Variants in SEMA3D observed in about 807,000 individuals in gnomAD.
SEMA3D encodes semaphorin 3D.
Under a neutral mutation model 100.1 loss-of-function variants are expected in SEMA3D, and 84 were observed. The ratio of observed to expected loss-of-function variants is 0.84; its 90% CI spans 0.70 to 1.01. The LOEUF is 1.01. SEMA3D is among the 50% of genes least tolerant of loss of function. SEMA3D has a pLI of 0.00. For missense variants in SEMA3D, 875 were observed against 934.1 expected, an observed-to-expected ratio of 0.94 and a Z score of 0.82; for synonymous variants, 312 against 320.7, an observed-to-expected ratio of 0.97 and a Z score of 0.29.
At chr7:85,027,653 C>G (rs1005297465) in intron 12 of SEMA3D, among the ~76,000 whole-genome samples, 2 of 151,786 alleles carry the variant, frequency 1.3e-5, no homozygotes, top group Non-Finnish European at 2.9e-5. Flanking sequence ...GAAGTAAAAC[C>G]ATGGAAGACA....
chr7:85,012,992 A>G (rs1789999534), intron 16 of SEMA3D, 146 bp from the exon 17 acceptor site: 1 of 539,688 alleles, frequency 1.9e-6, no homozygotes, highest in East Asian at 3.1e-5. Flanking sequence ...ATTCCAATCA[A>G]TCTAACATTG....
chr7:85,189,923 G>A (rs1791656411), upstream of SEMA3D, among the ~76,000 whole-genome samples: 1 of 152,128 alleles, frequency 6.6e-6, no homozygotes, highest in Admixed American at 6.5e-5. Flanking sequence ...AATTCTAATT[G>A]TAGAATTTCA....
intron 4 of SEMA3D, among the ~76,000 whole-genome samples, chr7:85,089,666 C>T (rs1294644382): frequency 6.6e-6 from 1 of 152,060 alleles, no homozygotes; most frequent in Admixed American, 6.6e-5. Flanking sequence ...GGGCAGATTT[C>T]ATGAACCCAG....
chr7:85,031,509 C>T (rs1469600631), intron 12 of SEMA3D, among the ~76,000 whole-genome samples: 1 of 151,884 alleles, frequency 6.6e-6, no homozygotes, highest in Non-Finnish European at 1.5e-5. Context: ...AGACAAATCT[C>T]TGGAAAAATA....
chr7:85,088,878 TTG>T (rs1788298938), intron 4 of SEMA3D, among the ~76,000 whole-genome samples: 1 of 152,126 alleles, frequency 6.6e-6, no homozygotes, highest in Non-Finnish European at 1.5e-5. Context: ...TGGGTGACAA[TTG>T]TCTTTCCCTT....
chr7:85,103,457 C>T (rs1236609335), intron 3 of SEMA3D, among the ~76,000 whole-genome samples: 1 of 151,656 alleles, frequency 6.6e-6, no homozygotes, highest in Non-Finnish European at 1.5e-5. Flanking sequence ...TTATTTTTCC[C>T]CTTGGGTAAA....
the SEMA3D span, among the ~76,000 whole-genome samples, chr7:85,239,412 A>C: frequency 2.8e-4 from 43 of 152,276 alleles, no homozygotes; most frequent in African/African-American, 1.0e-3. Flanking sequence ...GTAGCCTTTA[A>C]CTGATGCTAG....
intron 11 of SEMA3D, among the ~76,000 whole-genome samples, chr7:85,039,704 C>G (rs539544075): frequency 6.6e-5 from 10 of 152,096 alleles, no homozygotes; most frequent in Non-Finnish European, 1.5e-4. Flanking sequence ...ATAGTCCGCT[C>G]CTCTTTGAGC....
chr7:85,095,394 A>ATT (rs3214235), intron 4 of SEMA3D, among the ~76,000 whole-genome samples: 5 of 150,244 alleles, frequency 3.3e-5, no homozygotes, highest in African/African-American at 9.8e-5. Context: ...TTTTCTACAG[A>ATT]TTTTTTTTTT....
chr7:85,124,034 T>C (rs988918032), intron 2 of SEMA3D, among the ~76,000 whole-genome samples: 11 of 152,020 alleles, frequency 7.2e-5, no homozygotes, highest in Non-Finnish European at 1.2e-4. Context: ...TATATAACAC[T>C]AATAAAGCCT....
At chr7:85,086,984 T>G (rs1447945966) in intron 4 of SEMA3D, among the ~76,000 whole-genome samples, 1 of 152,176 alleles carries the variant, frequency 6.6e-6, no homozygotes, top group African/African-American at 2.4e-5. Context: ...ATATGAACAA[T>G]TTTGAGACAG....
At chr7:85,141,895 T>C (rs905281820) in intron 2 of SEMA3D, 3 of 970,094 alleles carry the variant, frequency 3.1e-6, no homozygotes, top group Non-Finnish European at 3.7e-6. Context: ...TTGGAGTAAA[T>C]TTAGATTTCT....
In SEMA3D at chr7:85,147,072, C is replaced by CTTTCT. The variant is rs1485899120; in HGVS notation, c.-41+6531_-41+6535dup. On this transcript the variant is annotated intron_variant, in intron 2 of 18. Transcript: ENST00000284136. ...GAAGTGGAATTTTCTGTCCATCTTTCTTTCTTTTCTTTTTCTTTTCTTTTT... is the reference window on the plus strand; with the variant it reads ...GAAGTGGAATTTTCTGTCCATCTTTCTTTCTTTTCTTTTCTTTTTCTTTTCTTTTT... Among the ~76,000 whole-genome samples the CTTTCT allele has an allele frequency of 2.7e-4, 20 of 74,010 alleles. 1 individual carries two copies. The highest frequency in any genetic ancestry group is 7.2e-3 in the Middle Eastern group (1 of 138). The allele number at this position is 74,010 out of a possible 152,430, so 48.6% of individuals were successfully genotyped here.
chr7:85,142,673 CA>C (rs1417222214), intron 2 of SEMA3D: 132 of 675,830 alleles, frequency 2.0e-4, no homozygotes, highest in Middle Eastern at 7.4e-4. Flanking sequence ...AGAAGGATGG[CA>C]TTTTTTTTTT....
chr7:85,070,893 G>A (rs2116176797), intron 6 of SEMA3D, among the ~76,000 whole-genome samples: 1 of 152,232 alleles, frequency 6.6e-6, no homozygotes, highest in Admixed American at 6.5e-5. Flanking sequence ...CAATTTTCTT[G>A]CCTCAGCCTT....
intron 1 of SEMA3D, among the ~76,000 whole-genome samples, chr7:85,153,949 C>A (rs1790506847): frequency 6.6e-6 from 1 of 152,096 alleles, no homozygotes; most frequent in South Asian, 2.1e-4. Context: ...TGAGACCCAC[C>A]AACATGACAG....
At chr7:85,098,068 A>T (rs1788622574) in intron 3 of SEMA3D, 103 bp from the exon 4 acceptor site, 1 of 679,634 alleles carries the variant, frequency 1.5e-6, no homozygotes, top group Non-Finnish European at 2.3e-6. Context: ...AAGAGAGAAA[A>T]GGAAAGAAAA....
At chr7:85,205,415 C>A in the SEMA3D span, among the ~76,000 whole-genome samples, 1 of 152,136 alleles carries the variant, frequency 6.6e-6, no homozygotes, top group Non-Finnish European at 1.5e-5. Flanking sequence ...ATCATTCTAC[C>A]ACATAACACT....
At chr7:85,031,504 A>G (rs1185730906) in intron 12 of SEMA3D, among the ~76,000 whole-genome samples, 1 of 151,952 alleles carries the variant, frequency 6.6e-6, no homozygotes, top group Non-Finnish European at 1.5e-5. Context: ...AGAATAGACA[A>G]ATCTCTGGAA....
Sources: allele counts gnomAD v4.1 joint callset (sites outside exome capture counted in the v4.1 genomes callset), GRCh38; gene constraint gnomAD v4.1.1; transcripts MANE v1.5; gene names NCBI Gene and HGNC (gene_info 2026-07-23, HGNC 2026-07-21).